The following SUMF1 variants were observed in gnomAD, a reference collection of about 807,000 sequenced individuals.
SUMF1 encodes sulfatase modifying factor 1.
Under a neutral mutation model 47.6 loss-of-function variants are expected in SUMF1, and 48 were observed. That is an observed-to-expected ratio of 1.01 (90% CI 0.80 to 1.28). SUMF1 has a LOEUF of 1.28. Among genes scored for constraint, SUMF1 ranks in the 50% most tolerant of loss-of-function variants. The pLI, the probability that SUMF1 is intolerant of heterozygous loss-of-function variation, is 0.00. For synonymous variants in SUMF1, 230 were observed against 192.1 expected (o/e 1.20, Z -1.63); for missense variants, 571 against 485.4 (o/e 1.18, Z -1.66).
At chr3:4,055,700 C>G (rs1695181857) in intron 9 of SUMF1, among the ~76,000 whole-genome samples, 1 of 152,084 alleles carries the variant, frequency 6.6e-6, no homozygotes, top group Non-Finnish European at 1.5e-5. Flanking sequence ...CCAGTCTAGC[C>G]TCAAGTGATC....
At chr3:4,305,211 G>A (rs575310984) in intron 8 of SUMF1, among the ~76,000 whole-genome samples, 1 of 152,032 alleles carries the variant, frequency 6.6e-6, no homozygotes, top group Admixed American at 6.5e-5. Context: ...TCAGCTTCCC[G>A]AGTAGCTGGA....
chr3:4,096,664 CA>C (rs1478434645), intron 8 of SUMF1, among the ~76,000 whole-genome samples: 1 of 152,024 alleles, frequency 6.6e-6, no homozygotes, highest in African/African-American at 2.4e-5. Flanking sequence ...ATCAGGAAGA[CA>C]CATACCAAAA....
At chr3:4,380,058 C>T (rs1243775155) in intron 7 of SUMF1, among the ~76,000 whole-genome samples, 1 of 152,118 alleles carries the variant, frequency 6.6e-6, no homozygotes, top group Non-Finnish European at 1.5e-5. Flanking sequence ...TTAAACACCT[C>T]ATCTGTTTGC....
intron 9 of SUMF1, among the ~76,000 whole-genome samples, chr3:4,035,257 AG>A (rs1206433411): frequency 1.3e-5 from 2 of 152,180 alleles, no homozygotes; most frequent in Non-Finnish European, 1.5e-5. Context: ...ACAGATCTGG[AG>A]GCTGGAAGTC....
chr3:4,434,333 A>G (rs1352558833), intron 3 of SUMF1, among the ~76,000 whole-genome samples: 1 of 152,266 alleles, frequency 6.6e-6, no homozygotes, highest in East Asian at 1.9e-4. Context: ...ATATTCCTCC[A>G]GCCAAGGCTT....
At chr3:4,370,005 A>T (rs1700121846) in intron 8 of SUMF1, among the ~76,000 whole-genome samples, 1 of 152,346 alleles carries the variant, frequency 6.6e-6, no homozygotes, top group East Asian at 1.9e-4. Context: ...GTTATCAGGG[A>T]GCTGACATTC....
chr3:4,207,049 A>C (rs561952516), intron 8 of SUMF1, among the ~76,000 whole-genome samples: 1 of 152,166 alleles, frequency 6.6e-6, no homozygotes, highest in Admixed American at 6.5e-5. Flanking sequence ...TATAGTTTTT[A>C]TTATATAGTT....
chr3:4,290,483 A>G (rs560293149), intron 8 of SUMF1, among the ~76,000 whole-genome samples: 8 of 152,296 alleles, frequency 5.3e-5, no homozygotes, highest in Admixed American at 2.0e-4. Context: ...GTGGACCGTA[A>G]GGGTATTGCT....
At chr3:4,077,371 G>T (rs1176814729) in intron 8 of SUMF1, among the ~76,000 whole-genome samples, 1 of 152,060 alleles carries the variant, frequency 6.6e-6, no homozygotes, top group Admixed American at 6.6e-5. Flanking sequence ...GTTTATTGTG[G>T]CACTATTCAC....
chr3:4,399,090 A>C lies in SUMF1; in HGVS notation c.954+11775T>G, dbSNP rs187550081. ...TCAGGAATATTTTGAGGATATGAGA[A>C]CGAGAGGGGGCGGAGGGATGGGGAA... On this transcript the variant is annotated intron_variant, in intron 7 of 8. Transcript: ENST00000272902. Among the ~76,000 whole-genome samples the C allele has an allele frequency of 2.6e-5, 4 of 152,230 alleles. No homozygotes were observed. In the East Asian group the frequency reaches 7.7e-4, roughly 29 times the overall value.
chr3:4,188,657 G>A (rs1489755907), intron 8 of SUMF1, among the ~76,000 whole-genome samples: 1 of 151,980 alleles, frequency 6.6e-6, no homozygotes, highest in Non-Finnish European at 1.5e-5. Context: ...AACTACTCAG[G>A]GTCATATTTT....
At chr3:4,215,250 A>T (rs1695894656) in intron 8 of SUMF1, among the ~76,000 whole-genome samples, 1 of 152,212 alleles carries the variant, frequency 6.6e-6, no homozygotes, top group South Asian at 2.1e-4. Context: ...ACATATGCAA[A>T]TCAATAAACA....
intron 8 of SUMF1, among the ~76,000 whole-genome samples, chr3:4,119,713 AACAC>A (rs144771849): frequency 3.8e-4 from 56 of 149,108 alleles, no homozygotes; most frequent in African/African-American, 1.1e-3. Context: ...CACATACACA[AACAC>A]ACACACACAC....
At chr3:4,313,047 T>TA in intron 8 of SUMF1, 1 of 1,613,878 alleles carries the variant, frequency 6.2e-7, no homozygotes, top group Non-Finnish European at 8.5e-7. Context: ...ACTCATGCCT[T>TA]AGAGATATAG....
At chr3:4,322,923 A>C (rs1698866902) in intron 8 of SUMF1, among the ~76,000 whole-genome samples, 1 of 152,200 alleles carries the variant, frequency 6.6e-6, no homozygotes, top group South Asian at 2.1e-4. Flanking sequence ...GTCTTAAAAA[A>C]AAGTATGCAC....
At chr3:4,331,927 T>C (rs894564142) in intron 8 of SUMF1, among the ~76,000 whole-genome samples, 2 of 152,204 alleles carry the variant, frequency 1.3e-5, no homozygotes, top group Non-Finnish European at 2.9e-5. Flanking sequence ...CCTTAAAACA[T>C]CTGGTAGAGA....
chr3:4,119,155 C>A (rs571766055), intron 8 of SUMF1, among the ~76,000 whole-genome samples: 1 of 152,258 alleles, frequency 6.6e-6, no homozygotes, highest in South Asian at 2.1e-4. Context: ...CTTCCTCAAC[C>A]TTCAGATTAG....
intron 1 of SUMF1, among the ~76,000 whole-genome samples, chr3:4,456,680 ATATATATGTGTG>A (rs2079620125): frequency 7.1e-6 from 1 of 141,552 alleles, no homozygotes; most frequent in Non-Finnish European, 1.5e-5. Context: ...ATACGTGTAT[ATATATATGTGTG>A]TATATATATA....
At position 4,454,736 on chromosome 3, in the gene SUMF1, T is replaced by A. The variant is rs74367326; in HGVS notation, c.271-1687A>T. 6.7e-3 allele frequency among the ~76,000 whole-genome samples: 1,021 copies of A among 152,334 alleles called. 8 individuals are homozygous for A. Among genetic ancestry groups the A allele is most frequent in the African/African-American group, 0.023 (973 of 41,580 alleles). On this transcript the variant is annotated intron_variant, in intron 1 of 8. Transcript: ENST00000272902. ...TTGGTATATCTATAAAATGGAATAATATTCAGACATAAATAAGTATTGGTT... is the reference window on the plus strand; with the variant it reads ...TTGGTATATCTATAAAATGGAATAAAATTCAGACATAAATAAGTATTGGTT...
Sources: allele counts gnomAD v4.1 joint callset (sites outside exome capture counted in the v4.1 genomes callset), GRCh38; gene constraint gnomAD v4.1.1; transcripts MANE v1.5; gene names NCBI Gene and HGNC (gene_info 2026-07-23, HGNC 2026-07-21).